Variants in SPAG16 observed in about 807,000 individuals in gnomAD.
SPAG16 encodes the protein sperm-associated antigen 16 protein.
Under a neutral mutation model 80.4 loss-of-function variants are expected in SPAG16, and 86 were observed. The observed-to-expected ratio is 1.07, with a 90% CI of 0.90 to 1.28. SPAG16 has a LOEUF of 1.28. Among genes scored for constraint, SPAG16 ranks in the 50% most tolerant of loss-of-function variants. The pLI, the probability that SPAG16 is intolerant of heterozygous loss-of-function variation, is 0.00. For missense variants in SPAG16, 870 were observed against 765.3 expected (o/e 1.14, Z -1.61); for synonymous variants, 294 against 265.9 (o/e 1.11, Z -1.03).
chr2:213,440,106 G>T (rs1243110149), intron 9 of SPAG16, among the ~76,000 whole-genome samples: 4 of 148,910 alleles, frequency 2.7e-5, no homozygotes, highest in African/African-American at 1.0e-4. Context: ...AATTCCTGCA[G>T]TTTTGTGTGT....
intron 10 of SPAG16, among the ~76,000 whole-genome samples, chr2:213,513,341 T>G (rs990432537): frequency 2.0e-5 from 3 of 152,224 alleles, no homozygotes; most frequent in African/African-American, 7.2e-5. Flanking sequence ...CTACAATTTT[T>G]GAAGTCTCTT....
At chr2:214,290,848 AT>A (rs1693742659) in intron 15 of SPAG16, among the ~76,000 whole-genome samples, 1 of 152,182 alleles carries the variant, frequency 6.6e-6, no homozygotes, top group Non-Finnish European at 1.5e-5. Flanking sequence ...AAGAATGTAT[AT>A]TTTGTAATTT....
At chr2:213,870,177 C>T (rs1298970525) in intron 11 of SPAG16, among the ~76,000 whole-genome samples, 1 of 152,114 alleles carries the variant, frequency 6.6e-6, no homozygotes, top group East Asian at 1.9e-4. Flanking sequence ...CATTGAAGAG[C>T]AAAGTTTACC....
At chr2:214,108,934 G>A (rs193064563) in intron 14 of SPAG16, among the ~76,000 whole-genome samples, 9 of 152,204 alleles carry the variant, frequency 5.9e-5, no homozygotes, top group East Asian at 5.8e-4. Flanking sequence ...TTTATGTGTC[G>A]CAAACTTAAT....
chr2:213,884,705 A>G (rs2076487500), intron 11 of SPAG16, among the ~76,000 whole-genome samples: 1 of 152,064 alleles, frequency 6.6e-6, no homozygotes, highest in South Asian at 2.1e-4. Flanking sequence ...AAAATTGTTT[A>G]TTTTTATCTT....
intron 12 of SPAG16, among the ~76,000 whole-genome samples, chr2:213,997,959 T>A (rs904273364): frequency 2.6e-5 from 4 of 152,184 alleles, no homozygotes; most frequent in African/African-American, 9.6e-5. Context: ...GCTTACATTC[T>A]TGAGAACAAG....
At chr2:214,326,502 A>G (rs1053359083) in intron 15 of SPAG16, among the ~76,000 whole-genome samples, 1 of 152,122 alleles carries the variant, frequency 6.6e-6, no homozygotes, top group Non-Finnish European at 1.5e-5. Flanking sequence ...AAAAAAGCCA[A>G]TATTCATGGA....
chr2:214,191,176 C>T (rs1443691092), intron 15 of SPAG16, among the ~76,000 whole-genome samples: 1 of 151,950 alleles, frequency 6.6e-6, no homozygotes, highest in East Asian at 1.9e-4. Context: ...GGACAGAGAC[C>T]ACCTAGCAGA....
At chr2:214,027,660 A>G (rs975302515) in intron 13 of SPAG16, among the ~76,000 whole-genome samples, 4 of 151,920 alleles carry the variant, frequency 2.6e-5, no homozygotes, top group African/African-American at 7.2e-5. Context: ...TTTAGAAGTT[A>G]GAGAAGATAA....
intron 13 of SPAG16, among the ~76,000 whole-genome samples, chr2:214,038,441 A>G (rs1319640398): frequency 2.0e-5 from 3 of 151,056 alleles, no homozygotes; most frequent in Non-Finnish European, 4.4e-5. Context: ...TTATTACTCC[A>G]CTCTCAACTT....
At chr2:213,875,589 A>G (rs1466552025) in intron 11 of SPAG16, among the ~76,000 whole-genome samples, 3 of 152,144 alleles carry the variant, frequency 2.0e-5, no homozygotes, top group African/African-American at 4.8e-5. Flanking sequence ...TAAAAATAAA[A>G]CTTTAATTTC....
At chr2:213,587,750 A>C (rs1413302305) in intron 10 of SPAG16, among the ~76,000 whole-genome samples, 2 of 152,212 alleles carry the variant, frequency 1.3e-5, no homozygotes, top group Non-Finnish European at 2.9e-5. Flanking sequence ...TACTGTAAGC[A>C]AAAATAAATC....
At chr2:213,779,617 G>T (rs974833335) in intron 10 of SPAG16, among the ~76,000 whole-genome samples, 1 of 152,142 alleles carries the variant, frequency 6.6e-6, no homozygotes, top group African/African-American at 2.4e-5. Context: ...CCTGAATAGG[G>T]TCATCTGGTG....
chr2:214,038,694 C>T (rs576459056), intron 13 of SPAG16, among the ~76,000 whole-genome samples: 1 of 136,330 alleles, frequency 7.3e-6, no homozygotes, highest in Non-Finnish European at 1.6e-5. Context: ...CCTCCCCCCT[C>T]CCCCTACCCC....
chr2:213,470,973 G>A (rs997276846), intron 9 of SPAG16, among the ~76,000 whole-genome samples: 5 of 152,172 alleles, frequency 3.3e-5, no homozygotes, highest in South Asian at 4.1e-4. Flanking sequence ...TACAGTTCAC[G>A]AATCAGCATA....
chr2:213,346,172 GCT>G (rs1218899291), intron 6 of SPAG16, among the ~76,000 whole-genome samples: 1 of 151,950 alleles, frequency 6.6e-6, no homozygotes, highest in Non-Finnish European at 1.5e-5. Flanking sequence ...TCATGATTTG[GCT>G]CTCTGTTTGT....
intron 3 of SPAG16, among the ~76,000 whole-genome samples, chr2:213,307,426 G>A (rs1488983252): frequency 4.5e-4 from 62 of 138,166 alleles, no homozygotes; most frequent in Non-Finnish European, 8.2e-4. Flanking sequence ...TCATTGTTCA[G>A]TTCCCACCTA....
rs547899115 is a variant in SPAG16, at chr2:213,656,078, T to G, written c.1070+165988T>G. 5.3e-4 allele frequency among the ~76,000 whole-genome samples: 80 copies of G among 152,378 alleles called. 2 individuals are homozygous for G. The South Asian group carries it at 8.3e-3, about 16-fold the overall frequency. ...TCAAGATAAAATGTCTTAGATATTA[T>G]AAATTTTCTTCTCTGCCCGAATATG... On this transcript the variant is annotated intron_variant, in intron 10 of 15. Transcript: ENST00000331683.
At chr2:213,916,191 G>A (rs536664728) in intron 11 of SPAG16, among the ~76,000 whole-genome samples, 1 of 152,226 alleles carries the variant, frequency 6.6e-6, no homozygotes, top group African/African-American at 2.4e-5. Flanking sequence ...CTTTGCCCAT[G>A]CCTGTGTCCT....
Sources: allele counts gnomAD v4.1 joint callset (sites outside exome capture counted in the v4.1 genomes callset), GRCh38; gene constraint gnomAD v4.1.1; transcripts MANE v1.5; gene names NCBI Gene and HGNC (gene_info 2026-07-23, HGNC 2026-07-21).